The following OSBPL5 variants were observed in gnomAD, a reference collection of about 807,000 sequenced individuals.
OSBPL5 encodes the protein oxysterol-binding protein-related protein 5.
Under a neutral mutation model 111.2 loss-of-function variants are expected in OSBPL5, and 71 were observed. The observed-to-expected ratio is 0.64, with a 90% confidence interval of 0.53 to 0.78. The LOEUF (loss-of-function observed/expected upper bound fraction) is 0.78. Among genes scored for constraint, OSBPL5 ranks in the 30% least tolerant of loss-of-function variants. The probability of loss-of-function intolerance (pLI) is 0.00; values close to 1 mark genes in which losing one functional copy is unlikely to be tolerated. For missense variants in OSBPL5, 1,210 were observed against 1,189.3 expected, an observed-to-expected ratio of 1.02 and a Z score of -0.26; for synonymous variants, 549 against 513.9, an observed-to-expected ratio of 1.07 and a Z score of -0.93.
At chr11:3,156,188 C>G (rs1366274539) in intron 1 of OSBPL5, among the ~76,000 whole-genome samples, 2 of 152,180 alleles carry the variant, frequency 1.3e-5, no homozygotes, top group Non-Finnish European at 2.9e-5. Context: ...GGTCAGTCCC[C>G]CGGGAGAGTG....
chr11:3,111,798 T>G (rs913287826), intron 7 of OSBPL5, among the ~76,000 whole-genome samples: 1 of 152,228 alleles, frequency 6.6e-6, no homozygotes, highest in East Asian at 1.9e-4. Context: ...CAAGGCCACA[T>G]TTTCACTAGC....
In OSBPL5 at chr11:3,122,104, C is replaced by A. The variant is rs778298888; in HGVS notation, c.301-6G>T. On this transcript the variant is annotated splice_polypyrimidine_tract_variant and splice_region_variant and intron_variant, in intron 4 of 21. Coordinates refer to ENST00000263650, the MANE Select transcript of OSBPL5 (RefSeq NM_020896.4). ...CGGTAGTTCTCCTTCTGCGCCTGGG[C>A]CCGGGGCACCCGCGGTGGGTCATGG... The A allele has an allele frequency of 3.9e-6, 6 of 1,556,292 alleles. No individual in the cohort carries two copies. The South Asian group carries it at 5.8e-5, about 15-fold the overall frequency.
chr11:3,140,070 G>A lies in OSBPL5; in HGVS notation c.-21-10901C>T, dbSNP rs555809261. ...CGGCTGTGCAGCCTGGGAGGGGGGT[G>A]TGCAGTGGTCCGCCAAGCAGCACCT... On this transcript the variant is annotated intron_variant, in intron 1 of 21. Transcript: ENST00000263650. This position sits in a 1 kb window ranked among gnomAD's most constrained non-coding sequence, Gnocchi z 4.5. Among the ~76,000 whole-genome samples, 2 of 152,336 alleles carry A rather than the reference G, an allele frequency of 1.3e-5. No individual in the cohort carries two copies. The highest frequency in any genetic ancestry group is 1.9e-4 in the East Asian group (1 of 5,180).
intron 20 of OSBPL5, 136 bp downstream of exon 20, chr11:3,090,422 A>C: frequency 6.7e-6 from 8 of 1,201,952 alleles, no homozygotes; most frequent in South Asian, 1.6e-5. Context: ...GGGGCCCCTC[A>C]GGGCAGCAGA....
At chr11:3,125,737 G>A (rs906537886) in intron 3 of OSBPL5, among the ~76,000 whole-genome samples, 1 of 150,748 alleles carries the variant, frequency 6.6e-6, no homozygotes, top group Non-Finnish European at 1.5e-5. Context: ...CCCGGGAGGC[G>A]GAGCTTGCAG....
intron 16 of OSBPL5, 39 bp from the exon 17 acceptor site, chr11:3,093,702 C>T (rs201912702): frequency 1.6e-5 from 25 of 1,612,534 alleles, no homozygotes; most frequent in African/African-American, 9.3e-5. Context: ...GCTGGCCTGG[C>T]GTTGACCGCC....
intron 1 of OSBPL5, among the ~76,000 whole-genome samples, chr11:3,160,766 C>T (rs571325586): frequency 6.6e-6 from 1 of 152,082 alleles, no homozygotes; most frequent in African/African-American, 2.4e-5. Context: ...CTCTCCCTCC[C>T]CTGGCCGAGG....
At chr11:3,111,684 C>T (rs1281628962) in intron 7 of OSBPL5, among the ~76,000 whole-genome samples, 2 of 151,990 alleles carry the variant, frequency 1.3e-5, no homozygotes, top group African/African-American at 4.8e-5. Context: ...TCCCCACCCC[C>T]ACACACAATG....
chr11:3,090,850 G>T, intron 19 of OSBPL5, 154 bp from the exon 20 acceptor site: 1 of 991,602 alleles, frequency 1.0e-6, no homozygotes, highest in Non-Finnish European at 1.4e-6. Flanking sequence ...GGAGGGGTCT[G>T]TCTCAGCCCC....
At chr11:3,122,474 C>T (rs368805038) in intron 3 of OSBPL5, 46 bp from the exon 4 acceptor site, 49 of 1,586,252 alleles carry the variant, frequency 3.1e-5, no homozygotes, top group South Asian at 3.1e-4. Flanking sequence ...AGGGGCCGGC[C>T]CAGGGCTAGG....
At chr11:3,127,513 C>G (rs1858669052) in intron 2 of OSBPL5, among the ~76,000 whole-genome samples, 1 of 152,188 alleles carries the variant, frequency 6.6e-6, no homozygotes, top group Non-Finnish European at 1.5e-5. Flanking sequence ...TGGCCACTCA[C>G]AGTCACAGAA....
At position 3,120,496 on chromosome 11, in the gene OSBPL5, G is replaced by A. The variant is rs1313176476; in HGVS notation, c.531C>T (p.Ile177=). Reference sequence around the variant, plus strand: ...AGCCGTCCTTCTTGGAGGGCCGCTCGATGAGCTCGCAGCAGTGCAGCAGCA... The same window carrying A: ...AGCCGTCCTTCTTGGAGGGCCGCTCAATGAGCTCGCAGCAGTGCAGCAGCA... ...GTVLLHCCEL[I]ERPSKKDGFC... Residue 177 remains isoleucine (I), a synonymous_variant, in exon 6 of 22, where the codon ATC becomes ATT. Transcript: ENST00000263650. 1.9e-6 allele frequency: 3 copies of A among 1,613,332 alleles called. No individual in the cohort carries two copies. The highest frequency in any genetic ancestry group is 1.1e-5 in the South Asian group (1 of 91,092).
chr11:3,110,422 A>G lies in OSBPL5; in HGVS notation c.692-2477T>C, dbSNP rs553699668. On this transcript the variant is annotated intron_variant, in intron 7 of 21. Coordinates refer to ENST00000263650, the MANE Select transcript of OSBPL5 (RefSeq NM_020896.4). The surrounding 1 kb of genome is among the most constrained non-coding windows in gnomAD (Gnocchi z 5.3). The stretch of plus-strand genomic sequence containing the variant: ...CTGCCTGAGCGGCCACTCAGGGAAC[A>G]GCAACAGCGTGCAATGCATTTGGGA... Among the ~76,000 whole-genome samples, 109 of 152,360 alleles carry G rather than the reference A, an allele frequency of 7.2e-4. No homozygotes were observed. Among genetic ancestry groups the G allele is most frequent in the Non-Finnish European group, 1.2e-3 (82 of 68,032 alleles).
chr11:3,131,596 C>CATCG (rs1393720244), intron 1 of OSBPL5, among the ~76,000 whole-genome samples: 1 of 115,554 alleles, frequency 8.7e-6, no homozygotes, highest in South Asian at 2.7e-4. Flanking sequence ...CCCATTCATC[C>CATCG]ATCCATCCAC....
intron 2 of OSBPL5, among the ~76,000 whole-genome samples, chr11:3,127,360 C>A (rs1479864674): frequency 6.6e-6 from 1 of 152,248 alleles, no homozygotes; most frequent in East Asian, 1.9e-4. Context: ...GGTGCGTGGA[C>A]AGACGCCACA....
intron 14 of OSBPL5, among the ~76,000 whole-genome samples, chr11:3,097,452 C>T (rs1474046435): frequency 3.3e-5 from 5 of 152,098 alleles, no homozygotes; most frequent in Admixed American, 6.6e-5. Flanking sequence ...GGATTCAAAT[C>T]TATACTTCCT....
In OSBPL5 at chr11:3,126,241, T is replaced by C. The variant is rs1214049350; in HGVS notation, c.219+232A>G. On this transcript the variant is annotated intron_variant, in intron 3 of 21. Coordinates refer to ENST00000263650, the MANE Select transcript of OSBPL5 (RefSeq NM_020896.4). The surrounding 1 kb of genome is among the most constrained non-coding windows in gnomAD (Gnocchi z 6.5). ...CTGAAAACTGATAGTCAAATACACG[T>C]GCACACATGTTCACGGAAGCATTTT... Among the ~76,000 whole-genome samples, 1 of 152,240 alleles carries C rather than the reference T, an allele frequency of 6.6e-6. No individual in the cohort carries two copies. Among genetic ancestry groups the C allele is most frequent in the Non-Finnish European group, 1.5e-5 (1 of 68,050 alleles).
At position 3,140,128 on chromosome 11, in the gene OSBPL5, C is replaced by T. The variant is rs11608117; in HGVS notation, c.-21-10959G>A. On this transcript the variant is annotated intron_variant, in intron 1 of 21. Transcript: ENST00000263650. This position sits in a 1 kb window ranked among gnomAD's most constrained non-coding sequence, Gnocchi z 4.5. ...GGAGCTCCCTCTGCAGAGGAGAACC[C>T]GGCCAAGGTCCCCCAAATTGCAGCC... Among the ~76,000 whole-genome samples the T allele has an allele frequency of 0.1, 15,185 of 152,278 alleles. 796 individuals carry two copies. Among genetic ancestry groups the T allele is most frequent in the South Asian group, 0.13 (628 of 4,834 alleles).
chr11:3,107,989 A>G lies in OSBPL5; in HGVS notation c.692-44T>C. 6.3e-7 allele frequency: 1 copy of G among 1,577,616 alleles called. No individual in the cohort carries two copies. The highest frequency in any genetic ancestry group is 8.5e-7 in the Non-Finnish European group (1 of 1,170,150). ...GAGCATGCCCCACCCCCACCTCTGT[A>G]TATCCCGCATCCCCCAAGGGGCCAC... is the stretch of plus-strand genomic sequence containing the variant. On this transcript the variant is annotated intron_variant, in intron 7 of 21. Coordinates refer to ENST00000263650, the MANE Select transcript of OSBPL5 (RefSeq NM_020896.4). The surrounding 1 kb of genome is among the most constrained non-coding windows in gnomAD (Gnocchi z 6.1).
Sources: gnomAD v4.1 joint callset for allele counts (sites outside exome capture counted in the v4.1 genomes callset) on GRCh38, gnomAD v4.1.1 for gene constraint, Gnocchi (gnomAD v3.1) non-coding constraint, MANE v1.5 for transcripts, NCBI Gene and HGNC (gene_info 2026-07-23, HGNC 2026-07-21) for gene names.